Variants in AUTS2 observed in about 807,000 individuals in gnomAD.
AUTS2 encodes the protein autism susceptibility gene 2 protein.
In AUTS2, 17 loss-of-function variants were observed where a neutral mutation model predicts 112.4. That is an observed-to-expected ratio of 0.15 (90% CI 0.10 to 0.23). The LOEUF (loss-of-function observed/expected upper bound fraction) is 0.23, where lower values mean the gene tolerates loss of function less well. AUTS2 is among the 10% of genes least tolerant of loss of function. The probability of loss-of-function intolerance (pLI) is 1.00; values close to 1 mark genes in which losing one functional copy is unlikely to be tolerated. For synonymous variants in AUTS2, 751 were observed against 702.7 expected (o/e 1.07, Z -1.09); for missense variants, 1,510 against 1,701.6 (o/e 0.89, Z 1.98).
intron 5 of AUTS2, among the ~76,000 whole-genome samples, chr7:70,641,247 C>A (rs1246475821): frequency 6.6e-6 from 1 of 152,136 alleles, no homozygotes; most frequent in Non-Finnish European, 1.5e-5. Flanking sequence ...CTCACTAGAC[C>A]CCTACTTGAA....
At chr7:70,251,611 T>G (rs377549447) in intron 4 of AUTS2, among the ~76,000 whole-genome samples, 29 of 152,294 alleles carry the variant, frequency 1.9e-4, no homozygotes, top group African/African-American at 6.3e-4. Context: ...ATTATATGTT[T>G]GTTAGACCTT....
chr7:70,187,048 C>T lies in AUTS2; in HGVS notation c.660+52477C>T, dbSNP rs1809642074. Among the ~76,000 whole-genome samples the T allele has an allele frequency of 3.3e-5, 5 of 152,184 alleles. No individual in the cohort carries two copies. In the South Asian group the frequency reaches 1.0e-3, roughly 32 times the overall value. ...AACTGAGGTATTCTGGCTCTGTAAT[C>T]CATGCTCTTCTATGCACTGCCTTTG... On this transcript the variant is annotated intron_variant, in intron 4 of 18. Transcript: ENST00000342771.
intron 5 of AUTS2, among the ~76,000 whole-genome samples, chr7:70,518,858 C>T (rs1799528225): frequency 6.6e-6 from 1 of 151,972 alleles, no homozygotes; most frequent in Non-Finnish European, 1.5e-5. Flanking sequence ...TGCACACCAC[C>T]ACACCCAGCT....
chr7:70,387,940 C>T (rs924472420), intron 4 of AUTS2, among the ~76,000 whole-genome samples: 1 of 152,176 alleles, frequency 6.6e-6, no homozygotes, highest in East Asian at 1.9e-4. Flanking sequence ...TTCTTCTAAG[C>T]CTACTGAATA....
At chr7:70,158,963 C>A (rs915715601) in intron 4 of AUTS2, among the ~76,000 whole-genome samples, 7 of 152,070 alleles carry the variant, frequency 4.6e-5, no homozygotes, top group Non-Finnish European at 8.8e-5. Context: ...AGGCATGTTA[C>A]ATATTTGTTT....
intron 5 of AUTS2, among the ~76,000 whole-genome samples, chr7:70,632,871 T>G (rs1805336531): frequency 6.6e-6 from 1 of 151,974 alleles, no homozygotes; most frequent in Non-Finnish European, 1.5e-5. Context: ...GAAACACCCC[T>G]CCTGCAGGCA....
At chr7:70,418,427 A>T (rs1440286311) in intron 4 of AUTS2, among the ~76,000 whole-genome samples, 1 of 152,182 alleles carries the variant, frequency 6.6e-6, no homozygotes, top group African/African-American at 2.4e-5. Context: ...ACGGATGAGG[A>T]AGCAAAGTCA....
chr7:69,797,554 G>A (rs1789900448), intron 1 of AUTS2, among the ~76,000 whole-genome samples: 2 of 152,180 alleles, frequency 1.3e-5, no homozygotes, highest in African/African-American at 4.8e-5. Flanking sequence ...GACCTTGCCT[G>A]TCTCTGGGTC....
At chr7:69,778,250 T>A (rs200025614) in intron 1 of AUTS2, among the ~76,000 whole-genome samples, 73,094 of 129,230 alleles carry the variant, frequency 0.57, 19,693 homozygotes, top group African/African-American at 0.58. Context: ...ATATATATTT[T>A]TTTTTTTTTT....
intron 4 of AUTS2, among the ~76,000 whole-genome samples, chr7:70,140,976 T>A (rs1055423452): frequency 6.6e-6 from 1 of 152,196 alleles, no homozygotes; most frequent in Non-Finnish European, 1.5e-5. Flanking sequence ...GATATGTAGC[T>A]GAATTTGAAG....
intron 1 of AUTS2, among the ~76,000 whole-genome samples, chr7:69,881,967 A>G (rs1794067136): frequency 6.6e-6 from 1 of 151,686 alleles, no homozygotes; most frequent in African/African-American, 2.4e-5. Context: ...GCCTGCCAAC[A>G]TGGTGAAACC....
chr7:70,610,967 A>G (rs1804063165), intron 5 of AUTS2, among the ~76,000 whole-genome samples: 2 of 152,188 alleles, frequency 1.3e-5, no homozygotes, highest in Admixed American at 1.3e-4. Flanking sequence ...TTCCTTTGCC[A>G]TGCCAAAGAT....
intron 5 of AUTS2, among the ~76,000 whole-genome samples, chr7:70,648,089 C>T (rs910034683): frequency 1.3e-5 from 2 of 152,212 alleles, no homozygotes; most frequent in African/African-American, 4.8e-5. Flanking sequence ...TCATTTATAA[C>T]ATGGGAATAA....
At chr7:70,619,202 G>GA (rs1318637484) in intron 5 of AUTS2, among the ~76,000 whole-genome samples, 3 of 152,268 alleles carry the variant, frequency 2.0e-5, no homozygotes, top group African/African-American at 7.2e-5. Flanking sequence ...GAGCATCTAT[G>GA]AAATGGGGCT....
At chr7:70,767,178 G>A (rs1789997979) in intron 9 of AUTS2, among the ~76,000 whole-genome samples, 1 of 152,172 alleles carries the variant, frequency 6.6e-6, no homozygotes, top group Admixed American at 6.5e-5. Flanking sequence ...TATAGGCATT[G>A]TGAGAATAAA....
At chr7:70,191,363 G>A (rs769741978) in intron 4 of AUTS2, among the ~76,000 whole-genome samples, 2 of 151,648 alleles carry the variant, frequency 1.3e-5, no homozygotes, top group Non-Finnish European at 2.9e-5. Flanking sequence ...AGTAGAGACG[G>A]GGTTTAACCA....
chr7:70,477,139 G>C (rs935962291), intron 5 of AUTS2, among the ~76,000 whole-genome samples: 6 of 152,088 alleles, frequency 3.9e-5, no homozygotes, highest in Non-Finnish European at 7.4e-5. Flanking sequence ...CTGGCTCCAG[G>C]CTTCATCAGA....
Position 70,447,671 on chromosome 7 carries a change from C to A in AUTS2, c.690+11890C>A, listed in dbSNP as rs532885415. Among the ~76,000 whole-genome samples the A allele has an allele frequency of 8.5e-5, 13 of 152,222 alleles. No homozygotes were observed. In the South Asian group the frequency reaches 1.9e-3, roughly 22 times the overall value. ...CTCCCACATGCCACATTCCAATAAG[C>A]CTGAGAGCTGATAGGAAAAGACCAG... On this transcript the variant is annotated intron_variant, in intron 5 of 18. Transcript: ENST00000342771.
At chr7:69,993,768 TCTCC>T (rs1226045214) in intron 2 of AUTS2, among the ~76,000 whole-genome samples, 1 of 152,138 alleles carries the variant, frequency 6.6e-6, no homozygotes, top group South Asian at 2.1e-4. Flanking sequence ...TGTCTGTCTC[TCTCC>T]CTCTCTCTCT....
Sources: allele counts gnomAD v4.1 joint callset (sites outside exome capture counted in the v4.1 genomes callset), GRCh38; gene constraint gnomAD v4.1.1; transcripts MANE v1.5; gene names NCBI Gene and HGNC (gene_info 2026-07-23, HGNC 2026-07-21).